TENM1: variants seen among roughly 807,000 people sequenced by gnomAD.
The protein encoded by TENM1 is teneurin-1.
Under a neutral mutation model 174.8 loss-of-function variants are expected in TENM1, and 35 were observed. The observed-to-expected ratio is 0.20, with a 90% confidence interval of 0.15 to 0.27. The LOEUF (loss-of-function observed/expected upper bound fraction) is 0.27, where lower values mean the gene tolerates loss of function less well. Ranked by LOEUF, TENM1 falls within the 10% of genes least tolerant of loss-of-function variation. The pLI, the probability that TENM1 is intolerant of heterozygous loss-of-function variation, is 1.00. For missense variants in TENM1, 1,633 were observed against 2,130.1 expected (o/e 0.77, Z 4.59); for synonymous variants, 781 against 798.7 (o/e 0.98, Z 0.37).
At chrX:125,112,134 TTGTGTGTGTGTGTGTG>T in the TENM1 span, among the ~76,000 whole-genome samples, 1 of 92,686 alleles carries the variant, frequency 1.1e-5, no homozygotes, top group Non-Finnish European at 2.2e-5. Flanking sequence ...TTTAATGAAA[TTGTGTGTGTGTGTGTG>T]TGTGTGTGTG....
the TENM1 span, among the ~76,000 whole-genome samples, chrX:125,101,137 CTCTT>C: frequency 2.7e-5 from 3 of 112,026 alleles, no homozygotes; most frequent in African/African-American, 6.5e-5. Context: ...ACTAGATATT[CTCTT>C]TCTAAGGTCA....
At chrX:125,161,378 T>C in the TENM1 span, among the ~76,000 whole-genome samples, 1 of 111,340 alleles carries the variant, frequency 9.0e-6, no homozygotes, top group Non-Finnish European at 1.9e-5. Context: ...ATTTTTACTG[T>C]TTTTTTTCTA....
chrX:125,057,357 TACAC>T, the TENM1 span, among the ~76,000 whole-genome samples: 13 of 90,630 alleles, frequency 1.4e-4, no homozygotes, highest in African/African-American at 6.0e-4. Flanking sequence ...TATACATACA[TACAC>T]ACACACACAC....
At chrX:124,902,907 G>A (rs2057686854) in intron 1 of TENM1, among the ~76,000 whole-genome samples, 1 of 112,338 alleles carries the variant, frequency 8.9e-6, no homozygotes, top group African/African-American at 3.2e-5. Context: ...ACCTTGTCAT[G>A]TCCTTTGGGA....
At chrX:124,931,915 C>T (rs185478817) in intron 1 of TENM1, among the ~76,000 whole-genome samples, 3 of 110,393 alleles carry the variant, frequency 2.7e-5, no homozygotes, top group East Asian at 2.9e-4. Flanking sequence ...GCACACACAC[C>T]TGCCAAAAGG....
At position 124,671,669 on chromosome X, in the gene TENM1, T is replaced by C; in HGVS notation, c.1168+14A>G. The C allele has an allele frequency of 8.4e-7, 1 of 1,197,265 alleles. No individual in the cohort carries two copies. The highest frequency in any genetic ancestry group is 1.1e-6 in the Non-Finnish European group (1 of 887,040). On this transcript the variant is annotated intron_variant, in intron 6 of 31. Transcript: ENST00000422452. ...AGAAAAGTAATCAACAATCAATCAT[T>C]TTGATCACTGTACCTTTTTTCTCTG...
chrX:125,025,337 A>G, the TENM1 span, among the ~76,000 whole-genome samples: 1 of 111,762 alleles, frequency 8.9e-6, no homozygotes, highest in African/African-American at 3.3e-5. Flanking sequence ...AGAGAAGTAC[A>G]TGTTTTAAAA....
intron 6 of TENM1, among the ~76,000 whole-genome samples, chrX:124,667,374 G>A (rs996222535): frequency 9.1e-6 from 1 of 110,376 alleles, no homozygotes; most frequent in Non-Finnish European, 1.9e-5. Context: ...TGGATCACTT[G>A]AGGTCAGGAG....
the TENM1 span, among the ~76,000 whole-genome samples, chrX:125,107,445 A>G: frequency 8.0e-5 from 9 of 112,204 alleles, no homozygotes; most frequent in African/African-American, 1.9e-4. Context: ...CAACATTTAT[A>G]CTTTTTGACA....
At chrX:124,807,127 ACTCAGGGCAAGAG>A (rs112652806) in intron 3 of TENM1, among the ~76,000 whole-genome samples, 4,912 of 110,989 alleles carry the variant, frequency 0.044, 161 homozygotes, top group African/African-American at 0.11. Flanking sequence ...TCTTACATGA[ACTCAGGGCAAGAG>A]CTCATTCATT....
intron 3 of TENM1, among the ~76,000 whole-genome samples, chrX:124,807,731 CA>C (rs927692203): frequency 4.5e-5 from 5 of 111,016 alleles, no homozygotes; most frequent in African/African-American, 1.6e-4. Context: ...AAATTGTCAT[CA>C]AAGTTAAGTT....
intron 4 of TENM1, among the ~76,000 whole-genome samples, chrX:124,721,337 T>A (rs992456648): frequency 1.5e-4 from 17 of 111,727 alleles, no homozygotes; most frequent in Admixed American, 1.4e-3. Context: ...AACCCTGATG[T>A]ACTATAAGAT....
chrX:124,471,130 A>T (rs1305939486), intron 22 of TENM1, among the ~76,000 whole-genome samples: 3 of 84,359 alleles, frequency 3.6e-5, no homozygotes, highest in Admixed American at 1.7e-4. Context: ...GAAATATATA[A>T]TATATAGTAA....
At chrX:125,019,358 T>G in the TENM1 span, among the ~76,000 whole-genome samples, 2 of 111,543 alleles carry the variant, frequency 1.8e-5, no homozygotes, top group Non-Finnish European at 3.8e-5. Flanking sequence ...ATTAAATATT[T>G]AAAATTTAAT....
intron 3 of TENM1, among the ~76,000 whole-genome samples, chrX:124,792,411 G>A (rs989032443): frequency 3.6e-5 from 4 of 111,481 alleles, no homozygotes; most frequent in African/African-American, 9.8e-5. Context: ...ACATTCATCC[G>A]AAGTATTCTT....
At chrX:124,808,324 T>C (rs2055669413) in intron 3 of TENM1, among the ~76,000 whole-genome samples, 1 of 111,893 alleles carries the variant, frequency 8.9e-6, no homozygotes, top group Admixed American at 9.5e-5. Flanking sequence ...AGCACCTAAA[T>C]ATAAAAGGCA....
chrX:125,163,324 C>A, the TENM1 span, among the ~76,000 whole-genome samples: 9,878 of 109,840 alleles, frequency 0.09, 505 homozygotes, highest in African/African-American at 0.18. Context: ...TCATGACCAG[C>A]TAACTTACTT....
In TENM1 at chrX:124,641,052, C is replaced by T. The variant is rs746406285; in HGVS notation, c.2077+739G>A. On this transcript the variant is annotated intron_variant, in intron 11 of 31. Coordinates refer to ENST00000422452, the Ensembl canonical transcript of TENM1. Reference sequence around the variant, plus strand: ...TAAAATTATAGTTAGTCTTGATGGACGGGTTGGATTTCACTAGGTGGAAGT... The same window carrying T: ...TAAAATTATAGTTAGTCTTGATGGATGGGTTGGATTTCACTAGGTGGAAGT... Among the ~76,000 whole-genome samples the T allele has an allele frequency of 1.5e-4, 16 of 108,126 alleles. No individual in the cohort carries two copies. The South Asian group carries it at 2.8e-3, about 19-fold the overall frequency. 93.9% of individuals were successfully genotyped at this position (108,126 alleles called of 115,157 possible).
At chrX:125,006,458 C>A in the TENM1 span, among the ~76,000 whole-genome samples, 1 of 112,028 alleles carries the variant, frequency 8.9e-6, no homozygotes, top group African/African-American at 3.2e-5. Context: ...CTTAATCTTT[C>A]CTGCCTGACT....
Sources: gnomAD v4.1 joint callset for allele counts (sites outside exome capture counted in the v4.1 genomes callset) on GRCh38, gnomAD v4.1.1 for gene constraint, MANE v1.5 for transcripts, NCBI Gene and HGNC (gene_info 2026-07-23, HGNC 2026-07-21) for gene names.